Variants in ZBTB37 observed in about 807,000 individuals in gnomAD.
The protein encoded by ZBTB37 is zinc finger and BTB domain containing 37.
A neutral mutation model predicts 37.7 loss-of-function variants in ZBTB37; 15 were observed. The observed-to-expected ratio is 0.40, with a 90% CI of 0.27 to 0.61. The LOEUF is 0.61. Among genes scored for constraint, ZBTB37 ranks in the 20% least tolerant of loss-of-function variants. The pLI, the probability that ZBTB37 is intolerant of heterozygous loss-of-function variation, is 0.44. For missense variants in ZBTB37, 514 were observed against 641.9 expected, an observed-to-expected ratio of 0.80 and a Z score of 2.15; for synonymous variants, 231 against 220.6, an observed-to-expected ratio of 1.05 and a Z score of -0.42.
At chr1:173,872,278 C>A (rs1278224100) in intron 3 of ZBTB37, among the ~76,000 whole-genome samples, 1 of 151,976 alleles carries the variant, frequency 6.6e-6, no homozygotes, top group Admixed American at 6.6e-5. Context: ...TTTTACCATG[C>A]TAGCCAGGAT....
chr1:173,883,968 C>T (rs1485942674), intron 4 of ZBTB37, among the ~76,000 whole-genome samples: 1 of 152,176 alleles, frequency 6.6e-6, no homozygotes, highest in Non-Finnish European at 1.5e-5. Flanking sequence ...ACATTTTCTT[C>T]TCTTTGCATT....
intron 4 of ZBTB37, among the ~76,000 whole-genome samples, chr1:173,883,099 T>C (rs1656426511): frequency 6.6e-6 from 1 of 152,212 alleles, no homozygotes. Context: ...TTCCAGCATC[T>C]TTAATTGCTA....
chr1:173,899,596 T>C (rs916594023), exon 4 of ZBTB37: 3 of 152,216 alleles, frequency 2.0e-5, no homozygotes, highest in Admixed American at 1.3e-4. Flanking sequence ...GTTCTTCATA[T>C]TGGTTGCACA....
intron 4 of ZBTB37, among the ~76,000 whole-genome samples, chr1:173,875,196 C>T (rs1655875225): frequency 6.6e-6 from 1 of 150,866 alleles, no homozygotes; most frequent in South Asian, 2.1e-4. Flanking sequence ...GTAGTATACA[C>T]ACACTATGTA....
At chr1:173,887,729 A>T (rs1656687096), downstream of ZBTB37, 1 of 152,144 alleles carries the variant, frequency 6.6e-6, no homozygotes, top group Non-Finnish European at 1.5e-5. Context: ...TAAGTATGTA[A>T]TGGTTTAAGA....
chr1:173,891,877 A>T (rs1656856140), exon 4 of ZBTB37: 1 of 152,218 alleles, frequency 6.6e-6, no homozygotes, highest in Non-Finnish European at 1.5e-5. Flanking sequence ...CTGATACAGT[A>T]TAGGGAGTTT....
chr1:173,888,221 G>A (rs1303437645), downstream of ZBTB37: 1 of 152,108 alleles, frequency 6.6e-6, no homozygotes, highest in African/African-American at 2.4e-5. Flanking sequence ...CATAGAAAAG[G>A]TAAAGTTGAA....
chr1:173,899,540 G>C (rs1406685466), exon 4 of ZBTB37: 2 of 152,152 alleles, frequency 1.3e-5, no homozygotes, highest in Non-Finnish European at 1.5e-5. Context: ...CTCTAGCTTG[G>C]ATGAACACCG....
chr1:173,880,797 A>G (rs1054757054), intron 4 of ZBTB37, among the ~76,000 whole-genome samples: 2 of 152,192 alleles, frequency 1.3e-5, no homozygotes, highest in Admixed American at 1.3e-4. Flanking sequence ...TTCTATTGCA[A>G]CTTCACTGCA....
chr1:173,882,481 T>C (rs998916892), intron 4 of ZBTB37, among the ~76,000 whole-genome samples: 6 of 151,968 alleles, frequency 3.9e-5, no homozygotes, highest in African/African-American at 1.2e-4. Context: ...ACCTCATGAT[T>C]CGCCCACCTC....
intron 4 of ZBTB37, among the ~76,000 whole-genome samples, chr1:173,883,811 A>C (rs1438732771): frequency 1.3e-5 from 2 of 152,334 alleles, no homozygotes; most frequent in East Asian, 3.9e-4. Context: ...GAATAGCACC[A>C]TCAGCATAGG....
At chr1:173,868,280 GA>G (rs1312139305), upstream of ZBTB37, 1 of 153,244 alleles carries the variant, frequency 6.5e-6, no homozygotes, top group African/African-American at 2.4e-5. Context: ...GGGGATGGGG[GA>G]AGGGGGGGCG....
chr1:173,870,125 A>G (rs1442169426), intron 2 of ZBTB37, 75 bp from the exon 3 acceptor site: 11 of 1,007,858 alleles, frequency 1.1e-5, no homozygotes, highest in Middle Eastern at 4.3e-4. Context: ...CTATGTTTAA[A>G]TACTTTTGAA....
chr1:173,878,715 G>A (rs757837192), intron 4 of ZBTB37, among the ~76,000 whole-genome samples: 9 of 152,206 alleles, frequency 5.9e-5, no homozygotes, highest in Non-Finnish European at 1.0e-4. Context: ...TTCATCTCCT[G>A]TTAAGCAATC....
chr1:173,870,642 TCAAA>T lies in ZBTB37; in HGVS notation c.421_424del (p.Thr141GlyfsTer46). The T allele has an allele frequency of 6.2e-7, 1 of 1,614,100 alleles. No homozygotes were observed. The highest frequency in any genetic ancestry group is 8.5e-7 in the Non-Finnish European group (1 of 1,180,030). ...TGGCTGAGGTTGAAGCAGAATTAAG[TCAAA>T]CAAGGACAAAGCATCAAGAGAGACC... On this transcript the variant is annotated frameshift_variant, in exon 3 of 5. Transcript: ENST00000427304. LOFTEE classifies it high-confidence loss of function.
intron 4 of ZBTB37, among the ~76,000 whole-genome samples, chr1:173,881,131 T>C (rs1656279318): frequency 6.7e-6 from 1 of 149,556 alleles, no homozygotes. Context: ...CAGGCCCCAG[T>C]GTGTGATGTT....
chr1:173,871,715 T>C (rs527713350), intron 3 of ZBTB37, among the ~76,000 whole-genome samples: 1 of 152,250 alleles, frequency 6.6e-6, no homozygotes, highest in Non-Finnish European at 1.5e-5. Flanking sequence ...GTATCTTCCC[T>C]GTTTTCTTTC....
chr1:173,898,122 A>T (rs1197622748), exon 4 of ZBTB37: 1 of 151,870 alleles, frequency 6.6e-6, no homozygotes. Flanking sequence ...TTTGGGGGGC[A>T]GGGGTAGAGA....
intron 4 of ZBTB37, among the ~76,000 whole-genome samples, chr1:173,884,624 T>C (rs1656520532): frequency 6.6e-6 from 1 of 152,230 alleles, no homozygotes; most frequent in Non-Finnish European, 1.5e-5. Context: ...TGAAATATTT[T>C]ACATAAAAAG....
Sources: allele counts gnomAD v4.1 joint callset (sites outside exome capture counted in the v4.1 genomes callset), GRCh38; gene constraint gnomAD v4.1.1; transcripts MANE v1.5; gene names NCBI Gene and HGNC (gene_info 2026-07-23, HGNC 2026-07-21).